The following ZNF804B variants were observed in gnomAD, a reference collection of about 807,000 sequenced individuals.
ZNF804B encodes the protein zinc finger protein 804B, also known as zinc finger 804B.
ZNF804B carries 80 observed loss-of-function variants against 101.4 expected under a neutral mutation model. That is an observed-to-expected ratio of 0.79 (90% confidence interval 0.66 to 0.95). ZNF804B has a LOEUF of 0.95. ZNF804B is among the 40% of genes least tolerant of loss of function. The pLI, the probability that ZNF804B is intolerant of heterozygous loss-of-function variation, is 0.00. For missense variants in ZNF804B, 1,673 were observed against 1,561.9 expected, an observed-to-expected ratio of 1.07 and a Z score of -1.20; for synonymous variants, 622 against 558.8, an observed-to-expected ratio of 1.11 and a Z score of -1.59.
chr7:89,157,895 G>A (rs6973139), intron 1 of ZNF804B, among the ~76,000 whole-genome samples: 30,941 of 152,050 alleles, frequency 0.2, 3,366 homozygotes, highest in Middle Eastern at 0.39. Flanking sequence ...AGTGGAAAAT[G>A]TACTGAAAGT....
intron 1 of ZNF804B, among the ~76,000 whole-genome samples, chr7:88,815,430 A>C (rs2115744867): frequency 6.7e-6 from 1 of 149,494 alleles, no homozygotes; most frequent in South Asian, 2.1e-4. Context: ...AGGCTGTGTT[A>C]TTATTAGGAT....
rs186070070 is a variant in ZNF804B at position 88,859,928 on chromosome 7, A to G, written c.108+99844A>G. Reference sequence around the variant, plus strand: ...TTTCCTTATGTACTTCAAAAAGAATAAAGTTATGGAGCTGTGTAAATTTCT... The same window carrying G: ...TTTCCTTATGTACTTCAAAAAGAATGAAGTTATGGAGCTGTGTAAATTTCT... On this transcript the variant is annotated intron_variant, in intron 1 of 3. Transcript: ENST00000333190. Among the ~76,000 whole-genome samples, 115 of 151,980 alleles carry G rather than the reference A, an allele frequency of 7.6e-4. 1 individual carries two copies. The Middle Eastern group carries it at 0.01, about 13-fold the overall frequency.
chr7:88,953,235 G>A (rs1345664169), intron 1 of ZNF804B, among the ~76,000 whole-genome samples: 1 of 151,684 alleles, frequency 6.6e-6, no homozygotes, highest in Non-Finnish European at 1.5e-5. Flanking sequence ...CAGATACAGT[G>A]ATACATTCCT....
At chr7:89,035,990 ATATT>A (rs781021912) in intron 1 of ZNF804B, among the ~76,000 whole-genome samples, 3 of 138,448 alleles carry the variant, frequency 2.2e-5, no homozygotes, top group East Asian at 3.9e-4. Flanking sequence ...AGTATAGTAT[ATATT>A]ATATGATATA....
chr7:88,820,180 T>C (rs1790954426), intron 1 of ZNF804B, among the ~76,000 whole-genome samples: 1 of 152,228 alleles, frequency 6.6e-6, no homozygotes. Flanking sequence ...GATTCATAAC[T>C]TGTTGCATCT....
chr7:88,936,813 T>G (rs541904812), intron 1 of ZNF804B, among the ~76,000 whole-genome samples: 2 of 152,174 alleles, frequency 1.3e-5, no homozygotes, highest in African/African-American at 4.8e-5. Context: ...CAAAAAGTCC[T>G]TGGTGCTGAG....
chr7:89,176,156 C>T (rs1380876174), intron 1 of ZNF804B, among the ~76,000 whole-genome samples: 1 of 151,892 alleles, frequency 6.6e-6, no homozygotes, highest in African/African-American at 2.4e-5. Context: ...GAAAGGCTTT[C>T]AGTTTCTCCC....
At chr7:89,191,331 A>G (rs1788452931) in intron 1 of ZNF804B, among the ~76,000 whole-genome samples, 1 of 152,156 alleles carries the variant, frequency 6.6e-6, no homozygotes, top group Non-Finnish European at 1.5e-5. Flanking sequence ...AATCTATGAA[A>G]TATGCAAACA....
intron 1 of ZNF804B, among the ~76,000 whole-genome samples, chr7:88,864,322 T>C (rs1457321975): frequency 1.3e-5 from 2 of 152,232 alleles, no homozygotes; most frequent in Non-Finnish European, 2.9e-5. Context: ...ATCTCTGCTA[T>C]GGCTTCTATT....
intron 1 of ZNF804B, among the ~76,000 whole-genome samples, chr7:89,050,874 A>G (rs1013403289): frequency 5.9e-5 from 9 of 152,088 alleles, no homozygotes; most frequent in Admixed American, 5.9e-4. Context: ...ATATTATTTC[A>G]TATCATTTTC....
chr7:88,903,908 T>C (rs1792429357), intron 1 of ZNF804B, among the ~76,000 whole-genome samples: 1 of 152,216 alleles, frequency 6.6e-6, no homozygotes, highest in Non-Finnish European at 1.5e-5. Flanking sequence ...TTCTGTTTAC[T>C]CTGCTGATAG....
Position 88,870,400 on chromosome 7 carries a change from A to AAAAAAAAAAAAAAAAAAAAG in ZNF804B, c.108+110323_108+110324insAAAAAAAAAAAAGAAAAAAA, listed in dbSNP as rs781332488. Among the ~76,000 whole-genome samples, 341 of 112,518 alleles carry AAAAAAAAAAAAAAAAAAAAG rather than the reference A, an allele frequency of 3.0e-3. 27 individuals are homozygous for AAAAAAAAAAAAAAAAAAAAG. Among genetic ancestry groups the AAAAAAAAAAAAAAAAAAAAG allele is most frequent in the African/African-American group, 9.9e-3 (250 of 25,342 alleles). 73.8% of individuals were successfully genotyped at this position (112,518 alleles called of 152,430 possible). A position where few individuals can be genotyped will look rare whatever the true frequency, so the allele number is the denominator to read the frequency against. On this transcript the variant is annotated intron_variant, in intron 1 of 3. Coordinates refer to ENST00000333190, the MANE Select transcript of ZNF804B (RefSeq NM_181646.5). The stretch of plus-strand genomic sequence containing the variant: ...ACTCCGTCTCAAAAAAAAAAAAAAA[A>AAAAAAAAAAAAAAAAAAAAG]AAAAAAAGGTGGGTGATTGGAAAAC...
In ZNF804B at chr7:89,000,403, AT is replaced by A. The variant is rs772832064; in HGVS notation, c.109-217749del. 1.6e-4 allele frequency among the ~76,000 whole-genome samples: 25 copies of A among 151,958 alleles called. 1 individual carries two copies. Among genetic ancestry groups the A allele is most frequent in the Non-Finnish European group, 2.9e-4 (20 of 67,906 alleles). Reference sequence around the variant, plus strand: ...AAGGTAATGTCCTAGTAATTTGGTTATTTCAGTACATCAGGTGTTTACTTAT... The same window carrying A: ...AAGGTAATGTCCTAGTAATTTGGTTATTCAGTACATCAGGTGTTTACTTAT... On this transcript the variant is annotated intron_variant, in intron 1 of 3. Coordinates refer to ENST00000333190, the MANE Select transcript of ZNF804B (RefSeq NM_181646.5).
At chr7:89,100,590 A>G (rs895566871) in intron 1 of ZNF804B, among the ~76,000 whole-genome samples, 2 of 152,108 alleles carry the variant, frequency 1.3e-5, no homozygotes, top group African/African-American at 4.8e-5. Flanking sequence ...TTACAATAAT[A>G]TATAAGGTGT....
intron 1 of ZNF804B, among the ~76,000 whole-genome samples, chr7:89,103,708 G>A (rs57422264): frequency 0.023 from 3,493 of 151,878 alleles, 161 homozygotes; most frequent in African/African-American, 0.08. Flanking sequence ...TTTACAATTT[G>A]GATTCCTTTT....
At chr7:88,850,015 G>A (rs1164917451) in intron 1 of ZNF804B, among the ~76,000 whole-genome samples, 1 of 151,914 alleles carries the variant, frequency 6.6e-6, no homozygotes, top group Non-Finnish European at 1.5e-5. Flanking sequence ...TTTTCCACAA[G>A]CCCAGGACGG....
intron 2 of ZNF804B, among the ~76,000 whole-genome samples, chr7:89,303,693 T>C (rs574542929): frequency 2.6e-5 from 4 of 151,930 alleles, no homozygotes; most frequent in Non-Finnish European, 4.4e-5. Context: ...AATCTTACAA[T>C]TCATGTGGGC....
At chr7:88,765,993 T>TA (rs935791108) in intron 1 of ZNF804B, among the ~76,000 whole-genome samples, 13 of 152,196 alleles carry the variant, frequency 8.5e-5, no homozygotes, top group African/African-American at 1.9e-4. Context: ...TAATTGAAGA[T>TA]AAAAAAACAC....
intron 1 of ZNF804B, among the ~76,000 whole-genome samples, chr7:89,130,530 C>T (rs1281815302): frequency 1.3e-5 from 2 of 151,986 alleles, no homozygotes; most frequent in Admixed American, 1.3e-4. Flanking sequence ...TGCTCATCTT[C>T]GTGAATCTTC....
Sources: allele counts gnomAD v4.1 joint callset (sites outside exome capture counted in the v4.1 genomes callset), GRCh38; gene constraint gnomAD v4.1.1; transcripts MANE v1.5; gene names NCBI Gene and HGNC (gene_info 2026-07-23, HGNC 2026-07-21).